The following CACNA2D1 variants were observed in gnomAD, a reference collection of about 807,000 sequenced individuals.
CACNA2D1 encodes the protein calcium voltage-gated channel auxiliary subunit alpha2delta 1, also known as voltage-dependent calcium channel subunit alpha-2/delta-1.
In CACNA2D1, 53 loss-of-function variants were observed where a neutral mutation model predicts 171.5. That is an observed-to-expected ratio of 0.31 (90% CI 0.25 to 0.39). CACNA2D1 has a LOEUF of 0.39. Among genes scored for constraint, CACNA2D1 ranks in the 10% least tolerant of loss-of-function variants. CACNA2D1 has a pLI of 1.00. For synonymous variants in CACNA2D1, 442 were observed against 443.1 expected (o/e 1.00, Z 0.03); for missense variants, 903 against 1,299.8 (o/e 0.69, Z 4.69).
chr7:82,368,078 C>G lies in CACNA2D1; in HGVS notation c.96-18429G>C, dbSNP rs971296942. ...AATCAAGAGTAATGATCTCTGGGCT[C>G]TGTCCCCCGACACCAGCTTTGATCC... On this transcript the variant is annotated intron_variant, in intron 1 of 38. Coordinates refer to ENST00000356860, the MANE Select transcript of CACNA2D1 (RefSeq NM_000722.4). 6.6e-5 allele frequency among the ~76,000 whole-genome samples: 10 copies of G among 152,292 alleles called. No homozygotes were observed. The South Asian group carries it at 1.9e-3, about 28-fold the overall frequency.
chr7:82,297,840 C>A (rs1812488369), intron 3 of CACNA2D1, among the ~76,000 whole-genome samples: 1 of 152,134 alleles, frequency 6.6e-6, no homozygotes, highest in African/African-American at 2.4e-5. Flanking sequence ...ATTATGTATT[C>A]ATCCACCTTC....
chr7:82,180,367 G>C (rs944216979), intron 3 of CACNA2D1, among the ~76,000 whole-genome samples: 1 of 152,152 alleles, frequency 6.6e-6, no homozygotes, highest in Non-Finnish European at 1.5e-5. Flanking sequence ...CACTGGGTTT[G>C]AGAGTCCAGA....
At chr7:82,084,644 T>C (rs937197273) in intron 7 of CACNA2D1, 125 bp downstream of exon 7, 3 of 1,109,302 alleles carry the variant, frequency 2.7e-6, no homozygotes, top group African/African-American at 3.1e-5. Context: ...AAGAGGAATG[T>C]TCTTTCCTTA....
intron 5 of CACNA2D1, among the ~76,000 whole-genome samples, chr7:82,131,848 C>G (rs1203406006): frequency 1.3e-5 from 2 of 152,026 alleles, no homozygotes; most frequent in Non-Finnish European, 2.9e-5. Context: ...TTGTGAACAC[C>G]TGATATATAA....
At chr7:82,341,776 G>A (rs374347641) in intron 2 of CACNA2D1, among the ~76,000 whole-genome samples, 3 of 151,968 alleles carry the variant, frequency 2.0e-5, no homozygotes, top group Non-Finnish European at 4.4e-5. Context: ...ATTTGAGCAC[G>A]GTGGCTCACG....
chr7:82,418,648 T>C (rs1223137872), intron 1 of CACNA2D1, among the ~76,000 whole-genome samples: 1 of 152,192 alleles, frequency 6.6e-6, no homozygotes, highest in Admixed American at 6.5e-5. Context: ...GTTTCTATAA[T>C]ACACCACTTT....
intron 3 of CACNA2D1, among the ~76,000 whole-genome samples, chr7:82,226,241 C>G (rs993930580): frequency 6.6e-6 from 1 of 152,112 alleles, no homozygotes; most frequent in South Asian, 2.1e-4. Flanking sequence ...AAATGTACCC[C>G]CAACATCACC....
At chr7:82,282,478 G>C (rs1270115084) in intron 3 of CACNA2D1, among the ~76,000 whole-genome samples, 3 of 152,150 alleles carry the variant, frequency 2.0e-5, no homozygotes, top group African/African-American at 7.2e-5. Flanking sequence ...TCCATGGGTT[G>C]ACCCCTTTGA....
chr7:82,320,377 T>C (rs971848563), intron 3 of CACNA2D1, among the ~76,000 whole-genome samples: 4 of 152,146 alleles, frequency 2.6e-5, no homozygotes, highest in African/African-American at 9.7e-5. Context: ...AAGATTTCTA[T>C]TTTGTTAAAA....
intron 3 of CACNA2D1, among the ~76,000 whole-genome samples, chr7:82,319,297 A>T (rs1815518983): frequency 6.6e-6 from 1 of 152,210 alleles, no homozygotes; most frequent in Non-Finnish European, 1.5e-5. Context: ...GATTAATTTC[A>T]TTTCAATGGA....
rs2128985019 is a variant in CACNA2D1 at position 82,066,459 on chromosome 7, G to A, written c.724C>T (p.Pro242Ser). The change falls in exon 8 of 39, where the codon CCA becomes TCA. Residue 242 changes from proline (P) to serine (S), a missense_variant. Pro to Ser is a moderately conservative substitution (Grantham distance 74). Transcript: ENST00000356860. Reference protein sequence around the residue: ...KIDLYDVRRRPWYIQGAASPK... With the variant: ...KIDLYDVRRRSWYIQGAASPK... ...TGGCTAGCTAAAAATTCTTACCATG[G>A]TCTTCTGCGTACATCATAAAGGTCA... 1 of 1,609,124 alleles carries A rather than the reference G, an allele frequency of 6.2e-7. No individual in the cohort carries two copies. Among genetic ancestry groups the A allele is most frequent in the Non-Finnish European group, 8.5e-7 (1 of 1,178,400 alleles).
At chr7:82,326,659 T>C (rs903080532) in intron 3 of CACNA2D1, among the ~76,000 whole-genome samples, 2 of 147,258 alleles carry the variant, frequency 1.4e-5, no homozygotes, top group African/African-American at 4.9e-5. Context: ...CATTGACTCA[T>C]GCCTCTACCT....
At chr7:82,248,698 T>C (rs562201460) in intron 3 of CACNA2D1, among the ~76,000 whole-genome samples, 24 of 152,238 alleles carry the variant, frequency 1.6e-4, no homozygotes, top group Non-Finnish European at 2.6e-4. Flanking sequence ...AAACAGAGCA[T>C]TGATGCAGTA....
At chr7:81,959,956 C>A (rs1425527970) in intron 36 of CACNA2D1, 127 bp from the exon 37 acceptor site, 2 of 1,394,866 alleles carry the variant, frequency 1.4e-6, no homozygotes, top group African/African-American at 1.4e-5. Context: ...CCATTCCCAG[C>A]ACAATAGGAG....
chr7:82,069,447 G>A (rs531631263), intron 7 of CACNA2D1, among the ~76,000 whole-genome samples: 3 of 152,266 alleles, frequency 2.0e-5, no homozygotes, highest in African/African-American at 7.2e-5. Context: ...CATTAAAGGT[G>A]ATAACAATGA....
At chr7:82,163,712 CAA>C (rs1221677501) in intron 4 of CACNA2D1, among the ~76,000 whole-genome samples, 6 of 151,992 alleles carry the variant, frequency 3.9e-5, no homozygotes, top group African/African-American at 1.4e-4. Context: ...GAATCCAGCT[CAA>C]AGACTTCACA....
intron 3 of CACNA2D1, among the ~76,000 whole-genome samples, chr7:82,284,093 G>A (rs1810463266): frequency 6.6e-6 from 1 of 151,644 alleles, no homozygotes; most frequent in Non-Finnish European, 1.5e-5. Context: ...TACTAGAGAG[G>A]CTGAGGCAGG....
rs117971250 is a variant in CACNA2D1 at position 82,365,855 on chromosome 7, C to T, written c.96-16206G>A. 2.3e-3 allele frequency among the ~76,000 whole-genome samples: 357 copies of T among 152,242 alleles called. 2 individuals are homozygous for T. The highest frequency in any genetic ancestry group is 4.4e-3 in the Non-Finnish European group (298 of 68,010). Reference sequence around the variant, plus strand: ...AACTTATATTGCACAATTTGCATGACCCTCCTAGTTATTTTCTCCTGAACA... The same window carrying T: ...AACTTATATTGCACAATTTGCATGATCCTCCTAGTTATTTTCTCCTGAACA... On this transcript the variant is annotated intron_variant, in intron 1 of 38. Coordinates refer to ENST00000356860, the MANE Select transcript of CACNA2D1 (RefSeq NM_000722.4).
chr7:82,066,094 G>A (rs1807564930), intron 8 of CACNA2D1, among the ~76,000 whole-genome samples: 1 of 152,064 alleles, frequency 6.6e-6, no homozygotes. Flanking sequence ...TTAGTTCACT[G>A]CCAGAGGCAA....
Sources: gnomAD v4.1 joint callset for allele counts (sites outside exome capture counted in the v4.1 genomes callset) on GRCh38, gnomAD v4.1.1 for gene constraint, MANE v1.5 for transcripts, NCBI Gene and HGNC (gene_info 2026-07-23, HGNC 2026-07-21) for gene names.